The following PLXNA4 variants were observed in gnomAD, a reference collection of about 807,000 sequenced individuals.
PLXNA4 encodes plexin A4.
In PLXNA4, 44 loss-of-function variants were observed where a neutral mutation model predicts 191.8. The ratio of observed to expected loss-of-function variants is 0.23; its 90% CI spans 0.18 to 0.29. PLXNA4 has a LOEUF of 0.29. Ranked by LOEUF, PLXNA4 falls within the 10% of genes least tolerant of loss-of-function variation. The probability of loss-of-function intolerance (pLI) is 1.00; values close to 1 mark genes in which losing one functional copy is unlikely to be tolerated. For missense variants in PLXNA4, 1,800 were observed against 2,488.8 expected, an observed-to-expected ratio of 0.72 and a Z score of 5.89; for synonymous variants, 1,082 against 1,009.5, an observed-to-expected ratio of 1.07 and a Z score of -1.36.
intron 3 of PLXNA4, among the ~76,000 whole-genome samples, chr7:132,393,826 A>G (rs1158792090): frequency 6.6e-6 from 1 of 152,176 alleles, no homozygotes; most frequent in African/African-American, 2.4e-5. Flanking sequence ...GCACCAGGAC[A>G]CTAAGCCATC....
At chr7:132,479,162 C>G (rs75414997) in intron 3 of PLXNA4, among the ~76,000 whole-genome samples, 6,245 of 151,934 alleles carry the variant, frequency 0.041, 209 homozygotes, top group African/African-American at 0.083. Context: ...CCAGGTACTT[C>G]GGCGACTGAG....
chr7:132,480,714 G>A (rs554711366), intron 3 of PLXNA4, among the ~76,000 whole-genome samples: 18 of 152,128 alleles, frequency 1.2e-4, no homozygotes, highest in Non-Finnish European at 1.8e-4. Flanking sequence ...AGCACAGCTC[G>A]GCTGCCTCCT....
At chr7:132,368,636 C>T (rs895631122) in intron 3 of PLXNA4, among the ~76,000 whole-genome samples, 3 of 152,294 alleles carry the variant, frequency 2.0e-5, no homozygotes, top group Admixed American at 1.3e-4. Context: ...ACAGGTGTGG[C>T]GCGTCCTGCT....
At chr7:132,584,705 C>G (rs1380441067) in intron 2 of PLXNA4, among the ~76,000 whole-genome samples, 1 of 152,134 alleles carries the variant, frequency 6.6e-6, no homozygotes, top group Non-Finnish European at 1.5e-5. Context: ...ACACAAAAAA[C>G]TTAACAGCAG....
intron 4 of PLXNA4, among the ~76,000 whole-genome samples, chr7:132,288,838 T>G (rs1367001592): frequency 6.6e-6 from 1 of 152,192 alleles, no homozygotes; most frequent in Non-Finnish European, 1.5e-5. Context: ...CAACAGCCTC[T>G]TCTATCAAAT....
intron 2 of PLXNA4, among the ~76,000 whole-genome samples, chr7:132,638,725 C>G (rs1322873393): frequency 6.6e-6 from 1 of 152,064 alleles, no homozygotes. Context: ...TCTTCACTCT[C>G]TTTTACCCTT....
intron 3 of PLXNA4, among the ~76,000 whole-genome samples, chr7:132,452,668 T>C (rs999422252): frequency 1.3e-5 from 2 of 152,222 alleles, no homozygotes; most frequent in Middle Eastern, 3.4e-3. Flanking sequence ...AGAAAGGCAA[T>C]ATGGCCATCT....
In PLXNA4 at chr7:132,273,236, G is replaced by A. The variant is rs1263599122; in HGVS notation, c.1503+24855C>T. Among the ~76,000 whole-genome samples the A allele has an allele frequency of 3.3e-5, 5 of 151,966 alleles. No homozygotes were observed. In the East Asian group the frequency reaches 7.7e-4, roughly 24 times the overall value. On this transcript the variant is annotated intron_variant, in intron 4 of 31. Transcript: ENST00000321063. ...GAAAGTGGAAGCATTGGAACCTAAT[G>A]TTGGGGGAAAATATAATACACTAAG... is the stretch of plus-strand genomic sequence containing the variant.
At chr7:132,186,004 T>C (rs1796867809) in intron 15 of PLXNA4, among the ~76,000 whole-genome samples, 1 of 152,214 alleles carries the variant, frequency 6.6e-6, no homozygotes, top group Admixed American at 6.5e-5. Context: ...TTTTAACAAG[T>C]GTCAGAATAA....
intron 2 of PLXNA4, among the ~76,000 whole-genome samples, chr7:132,589,976 G>T (rs1802575409): frequency 6.6e-6 from 1 of 152,148 alleles, no homozygotes; most frequent in South Asian, 2.1e-4. Context: ...GTTCCAGGTG[G>T]GACACAGAGG....
chr7:132,543,080 A>C (rs1407204441), intron 1 of PLXNA4, among the ~76,000 whole-genome samples: 1 of 152,200 alleles, frequency 6.6e-6, no homozygotes, highest in African/African-American at 2.4e-5. Context: ...GTATTCAAAG[A>C]TTTATTTGTA....
chr7:132,372,000 G>T (rs369259622), intron 3 of PLXNA4, among the ~76,000 whole-genome samples: 6 of 152,210 alleles, frequency 3.9e-5, no homozygotes, highest in African/African-American at 1.2e-4. Flanking sequence ...ATTAATGATT[G>T]TTGGCCATCG....
chr7:132,259,743 T>C (rs1799569798), intron 4 of PLXNA4, among the ~76,000 whole-genome samples: 1 of 152,164 alleles, frequency 6.6e-6, no homozygotes, highest in African/African-American at 2.4e-5. Context: ...CAGTAGGCGA[T>C]GGATAAATAA....
intron 1 of PLXNA4, among the ~76,000 whole-genome samples, chr7:132,566,798 C>T (rs1801746360): frequency 6.6e-6 from 1 of 152,162 alleles, no homozygotes; most frequent in Non-Finnish European, 1.5e-5. Flanking sequence ...ATCACAAGGC[C>T]ACTGTCGCTA....
chr7:132,550,106 G>C (rs562414618), intron 1 of PLXNA4, among the ~76,000 whole-genome samples: 1 of 152,130 alleles, frequency 6.6e-6, no homozygotes, highest in Non-Finnish European at 1.5e-5. Flanking sequence ...TACCCCACCT[G>C]CTGCCCAAGG....
chr7:132,645,134 G>T (rs1054680901), intron 2 of PLXNA4, among the ~76,000 whole-genome samples: 2 of 152,184 alleles, frequency 1.3e-5, no homozygotes, highest in Non-Finnish European at 2.9e-5. Flanking sequence ...AACCTACAAT[G>T]TAACCAGATG....
chr7:132,331,815 G>A (rs1802600482), intron 3 of PLXNA4, among the ~76,000 whole-genome samples: 3 of 152,162 alleles, frequency 2.0e-5, no homozygotes, highest in Admixed American at 2.0e-4. Context: ...GTACAGGGCG[G>A]GTTCTATAGG....
At chr7:132,453,586 G>A (rs1333932010) in intron 3 of PLXNA4, among the ~76,000 whole-genome samples, 2 of 151,816 alleles carry the variant, frequency 1.3e-5, no homozygotes, top group African/African-American at 2.4e-5. Flanking sequence ...AGTGTCACCA[G>A]GCTGGAGAGC....
chr7:132,602,034 C>T (rs1477188874), intron 2 of PLXNA4, among the ~76,000 whole-genome samples: 3 of 152,180 alleles, frequency 2.0e-5, no homozygotes, highest in Non-Finnish European at 2.9e-5. Context: ...AGGTTTTTAC[C>T]ATAGAAGAAT....
Sources: gnomAD v4.1 joint callset for allele counts (sites outside exome capture counted in the v4.1 genomes callset) on GRCh38, gnomAD v4.1.1 for gene constraint, MANE v1.5 for transcripts, NCBI Gene and HGNC (gene_info 2026-07-23, HGNC 2026-07-21) for gene names.